SEMA3A: variants seen among roughly 807,000 people sequenced by gnomAD.
SEMA3A encodes semaphorin 3A.
A neutral mutation model predicts 97.9 loss-of-function variants in SEMA3A; 29 were observed. The ratio of observed to expected loss-of-function variants is 0.30; its 90% confidence interval spans 0.22 to 0.40. The LOEUF is 0.40. Among genes scored for constraint, SEMA3A ranks in the 10% least tolerant of loss-of-function variants. The pLI is 1.00. For missense variants in SEMA3A, 763 were observed against 951.3 expected (o/e 0.80, Z 2.60); for synonymous variants, 321 against 323.7 (o/e 0.99, Z 0.09).
chr7:84,319,772 A>G (rs1328516249), intron 2 of SEMA3A, among the ~76,000 whole-genome samples: 2 of 152,184 alleles, frequency 1.3e-5, no homozygotes, highest in East Asian at 3.9e-4. Context: ...TTGTGTTATT[A>G]ACAGGTCTTT....
intron 3 of SEMA3A, among the ~76,000 whole-genome samples, chr7:84,218,660 T>G (rs1404117926): frequency 6.6e-6 from 1 of 152,100 alleles, no homozygotes; most frequent in East Asian, 1.9e-4. Flanking sequence ...CATTTTTTCT[T>G]AAAAATAAAT....
At chr7:84,049,865 T>A (rs13230045) in intron 5 of SEMA3A, among the ~76,000 whole-genome samples, 4 of 67,844 alleles carry the variant, frequency 5.9e-5, no homozygotes, top group Non-Finnish European at 8.1e-5. Context: ...CCCTCCCCCC[T>A]CCCCCCACCC....
At chr7:84,248,068 G>T (rs971509309) in intron 3 of SEMA3A, among the ~76,000 whole-genome samples, 3 of 152,024 alleles carry the variant, frequency 2.0e-5, no homozygotes, top group African/African-American at 7.2e-5. Context: ...ATAAATAAAT[G>T]CATACATAAA....
chr7:84,410,946 T>C (rs1178640956), intron 1 of SEMA3A, among the ~76,000 whole-genome samples: 1 of 152,094 alleles, frequency 6.6e-6, no homozygotes, highest in African/African-American at 2.4e-5. Context: ...CAGGTTTTTC[T>C]TGTTGTCGTT....
chr7:84,049,957 A>G (rs1004301275), intron 5 of SEMA3A, among the ~76,000 whole-genome samples: 4 of 147,760 alleles, frequency 2.7e-5, no homozygotes, highest in Non-Finnish European at 4.5e-5. Flanking sequence ...GAGTGAGAAT[A>G]TGCGGTGTTT....
At chr7:84,259,791 CA>C (rs1799803536) in intron 3 of SEMA3A, among the ~76,000 whole-genome samples, 1 of 77,356 alleles carries the variant, frequency 1.3e-5, no homozygotes, top group African/African-American at 4.9e-5. Flanking sequence ...AACAAACAAA[CA>C]AAACAAAAAA....
At chr7:84,356,660 A>G (rs886166674) in intron 2 of SEMA3A, among the ~76,000 whole-genome samples, 1 of 151,926 alleles carries the variant, frequency 6.6e-6, no homozygotes, top group African/African-American at 2.4e-5. Context: ...AGCCTGTGAT[A>G]TTTTTGTTTT....
At chr7:84,136,847 T>C (rs1367368517) in intron 1 of SEMA3A, among the ~76,000 whole-genome samples, 2 of 151,628 alleles carry the variant, frequency 1.3e-5, no homozygotes, top group African/African-American at 4.9e-5. Context: ...CATTTCTTCA[T>C]GAGAAATAGT....
chr7:84,488,145 G>T (rs57731999), intron 1 of SEMA3A, among the ~76,000 whole-genome samples: 1 of 151,944 alleles, frequency 6.6e-6, no homozygotes, highest in African/African-American at 2.4e-5. Context: ...AAGTTTTTTT[G>T]TCATAAATAT....
intron 4 of SEMA3A, among the ~76,000 whole-genome samples, chr7:84,090,291 T>C (rs1205019875): frequency 6.6e-6 from 1 of 152,168 alleles, no homozygotes; most frequent in Non-Finnish European, 1.5e-5. Context: ...AGCATGTGTA[T>C]TTAATAAAAA....
intron 1 of SEMA3A, among the ~76,000 whole-genome samples, chr7:84,173,410 T>C (rs1381290101): frequency 6.6e-6 from 1 of 151,758 alleles, no homozygotes; most frequent in African/African-American, 2.4e-5. Context: ...ATACAAAAAA[T>C]TAGCCAGGCG....
chr7:84,031,442 T>C (rs1791751723), intron 6 of SEMA3A, among the ~76,000 whole-genome samples: 2 of 152,196 alleles, frequency 1.3e-5, no homozygotes, highest in African/African-American at 4.8e-5. Flanking sequence ...AAAGATAAAC[T>C]GATTGACAAT....
intron 3 of SEMA3A, among the ~76,000 whole-genome samples, chr7:84,252,314 A>G (rs1486867510): frequency 1.3e-5 from 2 of 152,224 alleles, no homozygotes; most frequent in Non-Finnish European, 2.9e-5. Context: ...TAGAATTGAC[A>G]GTCACTTCTG....
At chr7:84,028,059 T>C (rs1355438624) in intron 6 of SEMA3A, among the ~76,000 whole-genome samples, 1 of 152,176 alleles carries the variant, frequency 6.6e-6, no homozygotes, top group African/African-American at 2.4e-5. Context: ...GGTGTACCGA[T>C]GTCCGAAGCT....
intron 9 of SEMA3A, among the ~76,000 whole-genome samples, chr7:84,010,141 G>A (rs1187774023): frequency 1.3e-5 from 2 of 151,750 alleles, no homozygotes; most frequent in African/African-American, 4.8e-5. Context: ...ACTAAATGGA[G>A]CCTCAGGGAA....
intron 1 of SEMA3A, among the ~76,000 whole-genome samples, chr7:84,464,843 T>C (rs1024554687): frequency 2.0e-5 from 3 of 152,200 alleles, no homozygotes; most frequent in African/African-American, 7.2e-5. Context: ...ATATAGTCGG[T>C]ATCTTTTTAA....
rs10573589 is a variant in SEMA3A, at chr7:84,484,545, T to TCACACA, written c.-246+7909_-246+7914dup. ...CATGCACATATTCACTTGTTCACTT[T>TCACACA]CACACACACACACACACACACACAC... On this transcript the variant is annotated intron_variant, in intron 1 of 3. Transcript: ENST00000424555. Among the ~76,000 whole-genome samples the TCACACA allele has an allele frequency of 1.1e-4, 16 of 149,422 alleles. No individual in the cohort carries two copies. In the East Asian group the frequency reaches 1.6e-3, roughly 15 times the overall value.
intron 16 of SEMA3A, 143 bp downstream of exon 16, chr7:83,963,062 C>T: frequency 1.1e-6 from 1 of 874,570 alleles, no homozygotes; most frequent in Non-Finnish European, 1.8e-6. Flanking sequence ...GCACTAAACA[C>T]TTGTTCAATG....
chr7:84,441,969 C>T (rs1329452630), intron 1 of SEMA3A, among the ~76,000 whole-genome samples: 1 of 152,030 alleles, frequency 6.6e-6, no homozygotes, highest in Non-Finnish European at 1.5e-5. Context: ...GAGTTTGCTA[C>T]CAACAGACGT....
Sources: allele counts gnomAD v4.1 joint callset (sites outside exome capture counted in the v4.1 genomes callset), GRCh38; gene constraint gnomAD v4.1.1; transcripts MANE v1.5; gene names NCBI Gene and HGNC (gene_info 2026-07-23, HGNC 2026-07-21).